BSDC1: variants seen among roughly 807,000 people sequenced by gnomAD.
BSDC1 encodes the protein BSD domain-containing protein 1.
BSDC1 carries 29 observed loss-of-function variants against 56.0 expected under a neutral mutation model. The observed-to-expected ratio is 0.52, with a 90% confidence interval of 0.39 to 0.71. The LOEUF (loss-of-function observed/expected upper bound fraction) is 0.71, where lower values mean the gene tolerates loss of function less well. Among genes scored for constraint, BSDC1 ranks in the 30% least tolerant of loss-of-function variants. The pLI, the probability that BSDC1 is intolerant of heterozygous loss-of-function variation, is 0.00. For synonymous variants in BSDC1, 210 were observed against 215.3 expected (o/e 0.98, Z 0.21); for missense variants, 477 against 548.5 (o/e 0.87, Z 1.30).
intron 2 of BSDC1, among the ~76,000 whole-genome samples, chr1:32,389,255 G>A (rs1642783729): frequency 6.6e-6 from 1 of 152,152 alleles, no homozygotes; most frequent in African/African-American, 2.4e-5. Context: ...TTAGACTTCA[G>A]ATGACCTGTT....
chr1:32,380,090 G>A (rs1205470061), intron 5 of BSDC1, among the ~76,000 whole-genome samples: 1 of 152,176 alleles, frequency 6.6e-6, no homozygotes, highest in African/African-American at 2.4e-5. Context: ...ATTTGTAAAG[G>A]CCTTTGTGAC....
At chr1:32,373,779 C>T (rs1160054852) in intron 9 of BSDC1, among the ~76,000 whole-genome samples, 1 of 152,210 alleles carries the variant, frequency 6.6e-6, no homozygotes, top group Non-Finnish European at 1.5e-5. Context: ...GCCTCAGCCT[C>T]CCTTAAGTAC....
chr1:32,376,180 A>G, intron 9 of BSDC1, 82 bp downstream of exon 9: 1 of 1,364,894 alleles, frequency 7.3e-7, no homozygotes, highest in Non-Finnish European at 9.5e-7. Context: ...ATAGTATCCT[A>G]ACAAGGGACA....
intron 4 of BSDC1, among the ~76,000 whole-genome samples, chr1:32,383,015 G>A (rs2148131476): frequency 6.6e-6 from 1 of 152,180 alleles, no homozygotes; most frequent in East Asian, 1.9e-4. Flanking sequence ...CCCAAATGTG[G>A]AGATTATGCC....
At chr1:32,366,696 T>TA (rs1232683289) in intron 10 of BSDC1, 42 bp from the exon 11 acceptor site, 1 of 1,454,302 alleles carries the variant, frequency 6.9e-7, no homozygotes, top group African/African-American at 1.4e-5. Context: ...AACACATAGT[T>TA]ACTCCTGAGT....
At position 32,378,032 on chromosome 1, in the gene BSDC1, T is replaced by C. The variant is rs1162177086; in HGVS notation, c.614A>G (p.Asp205Gly). 1.2e-5 allele frequency: 20 copies of C among 1,612,592 alleles called. No homozygotes were observed. The highest frequency in any genetic ancestry group is 5.9e-6 in the Non-Finnish European group (7 of 1,179,214). Residue 205 changes from aspartate (D) to glycine (G), a missense_variant, in exon 8 of 11, where the codon GAC becomes GGC. Asp to Gly is a moderately conservative substitution (Grantham distance 94). Transcript: ENST00000455895. The surrounding 1 kb of genome is among the most constrained non-coding windows in gnomAD (Gnocchi z 5.2). ...CTGTTCCGCCCGCTGCTTCAGGGCGTCCCTCCGGGCCTGCTCCTGAATGTG... is the reference window on the plus strand; with the variant it reads ...CTGTTCCGCCCGCTGCTTCAGGGCGCCCCTCCGGGCCTGCTCCTGAATGTG... ...HQLEQEQARR[D>G]ALKQRAEQSI...
In BSDC1 at chr1:32,381,226, T is replaced by C. The variant is rs903188267; in HGVS notation, c.400A>G (p.Asn134Asp). The change falls in exon 5 of 11, where the codon AAT becomes GAT. Residue 134 changes from asparagine (N) to aspartate (D), a missense_variant. By Grantham distance (23) the Asn-to-Asp change is conservative. Transcript: ENST00000455895. ...SLQSDPATYC[N>D]EPDGPPELFD... ...GCTACCCTCTCACCATCTGGTTCATTACAGTAGGTTGCTGGGTCCGACTGC... is the reference window on the plus strand; with the variant it reads ...GCTACCCTCTCACCATCTGGTTCATCACAGTAGGTTGCTGGGTCCGACTGC... 6.2e-7 allele frequency: 1 copy of C among 1,613,756 alleles called. No homozygotes were observed. Among genetic ancestry groups the C allele is most frequent in the South Asian group, 1.1e-5 (1 of 91,024 alleles).
At chr1:32,373,725 A>G (rs1219065890) in intron 9 of BSDC1, among the ~76,000 whole-genome samples, 2 of 151,964 alleles carry the variant, frequency 1.3e-5, no homozygotes, top group Non-Finnish European at 2.9e-5. Context: ...TTTCATCACA[A>G]TGCCAGGGCT....
At chr1:32,369,025 A>G (rs562701397) in intron 9 of BSDC1, among the ~76,000 whole-genome samples, 5 of 152,290 alleles carry the variant, frequency 3.3e-5, no homozygotes, top group African/African-American at 1.2e-4. Flanking sequence ...TATTCTAAGG[A>G]AAAATCTTGG....
At chr1:32,389,420 T>G (rs1048222675) in intron 2 of BSDC1, among the ~76,000 whole-genome samples, 4 of 152,238 alleles carry the variant, frequency 2.6e-5, no homozygotes, top group African/African-American at 9.6e-5. Flanking sequence ...GAAATTTCAA[T>G]TATGTAACCA....
chr1:32,376,218 C>A, intron 9 of BSDC1, 44 bp downstream of exon 9: 4 of 1,416,502 alleles, frequency 2.8e-6, no homozygotes, highest in Non-Finnish European at 1.9e-6. Context: ...CAGGAGGTGG[C>A]CCTGACCGCA....
intron 2 of BSDC1, among the ~76,000 whole-genome samples, chr1:32,388,352 CTTAT>C (rs1363863500): frequency 6.6e-6 from 1 of 152,142 alleles, no homozygotes; most frequent in African/African-American, 2.4e-5. Flanking sequence ...AGGTCATTTA[CTTAT>C]TTACTTTTAT....
At position 32,378,685 on chromosome 1, in the gene BSDC1, G is replaced by T; in HGVS notation, c.528+39C>A. The T allele has an allele frequency of 7.3e-7, 1 of 1,360,666 alleles. No individual in the cohort carries two copies. The highest frequency in any genetic ancestry group is 9.8e-7 in the Non-Finnish European group (1 of 1,022,068). 84.3% of individuals were successfully genotyped at this position (1,360,666 alleles called of 1,614,324 possible). A position where few individuals can be genotyped will look rare whatever the true frequency, so the allele number is the denominator to read the frequency against. Reference sequence around the variant, plus strand: ...TCCCTCCCACCTCCCAACACCTCAAGCCTGGAGCTGGCTGAGGCCCTGCAG... The same window carrying T: ...TCCCTCCCACCTCCCAACACCTCAATCCTGGAGCTGGCTGAGGCCCTGCAG... On this transcript the variant is annotated intron_variant, in intron 6 of 10. Transcript: ENST00000455895. The surrounding 1 kb of genome is among the most constrained non-coding windows in gnomAD (Gnocchi z 5.2).
At chr1:32,387,028 T>C (rs1009460358) in intron 2 of BSDC1, 133 bp from the exon 3 acceptor site, 2 of 684,648 alleles carry the variant, frequency 2.9e-6, no homozygotes, top group Non-Finnish European at 2.5e-6. Context: ...TCAGAAACAA[T>C]GCTCATTTGT....
At chr1:32,371,337 G>T (rs1642077675) in intron 9 of BSDC1, among the ~76,000 whole-genome samples, 1 of 143,096 alleles carries the variant, frequency 7.0e-6, no homozygotes, top group African/African-American at 2.6e-5. Context: ...ATTTGAGATG[G>T]AGTCTCACTC....
At chr1:32,390,994 AAG>A (rs1465639928) in intron 2 of BSDC1, among the ~76,000 whole-genome samples, 1 of 151,910 alleles carries the variant, frequency 6.6e-6, no homozygotes, top group Non-Finnish European at 1.5e-5. Flanking sequence ...GTGACCCAGG[AAG>A]AGTTTGGAAA....
chr1:32,382,887 A>G (rs543887423), intron 4 of BSDC1, among the ~76,000 whole-genome samples: 2,901 of 148,502 alleles, frequency 0.02, 32 homozygotes, highest in Non-Finnish European at 0.028. Flanking sequence ...AAAAAAAAAA[A>G]AAGAAGAAGA....
chr1:32,374,178 T>C (rs1315492356), intron 9 of BSDC1, among the ~76,000 whole-genome samples: 1 of 152,204 alleles, frequency 6.6e-6, no homozygotes, highest in Non-Finnish European at 1.5e-5. Context: ...GTAATATGCA[T>C]ATTACTGTGC....
At chr1:32,372,120 C>T (rs146955448) in intron 9 of BSDC1, among the ~76,000 whole-genome samples, 35 of 152,318 alleles carry the variant, frequency 2.3e-4, no homozygotes, top group Middle Eastern at 3.4e-3. Context: ...GTGCCTATTA[C>T]ATACATACAC....
Sources: gnomAD v4.1 joint callset for allele counts (sites outside exome capture counted in the v4.1 genomes callset) on GRCh38, gnomAD v4.1.1 for gene constraint, Gnocchi (gnomAD v3.1) non-coding constraint, MANE v1.5 for transcripts, NCBI Gene and HGNC (gene_info 2026-07-23, HGNC 2026-07-21) for gene names.